The following ARHGAP32 variants were observed in gnomAD, a reference collection of about 807,000 sequenced individuals.
The protein encoded by ARHGAP32 is rho GTPase-activating protein 32.
A neutral mutation model predicts 186.5 loss-of-function variants in ARHGAP32; 51 were observed. The observed-to-expected ratio is 0.27, with a 90% CI of 0.22 to 0.35. The LOEUF (loss-of-function observed/expected upper bound fraction) is 0.35, where lower values mean the gene tolerates loss of function less well. Ranked by LOEUF, ARHGAP32 falls within the 10% of genes least tolerant of loss-of-function variation. The pLI is 1.00. For missense variants in ARHGAP32, 2,186 were observed against 2,623.5 expected (o/e 0.83, Z 3.64); for synonymous variants, 950 against 964.3 (o/e 0.99, Z 0.27).
At chr11:129,076,691 A>G (rs1941054118) in intron 6 of ARHGAP32, among the ~76,000 whole-genome samples, 3 of 152,212 alleles carry the variant, frequency 2.0e-5, no homozygotes, top group African/African-American at 4.8e-5. Flanking sequence ...GCTTAGAGAA[A>G]AATCCATAGC....
In ARHGAP32 at chr11:128,970,636, T is replaced by C. The variant is rs370296508; in HGVS notation, c.4577A>G (p.Asn1526Ser). The change falls in exon 23 of 23, where the codon AAT (asparagine) becomes AGT (serine). Residue 1526 changes from asparagine to serine, a missense_variant. Physicochemically the swap from Asn to Ser is conservative, Grantham distance 46. Transcript: ENST00000682385. The surrounding 1 kb of genome is among the most constrained non-coding windows in gnomAD (Gnocchi z 5.8). ...YRPQSVPPHHNKLEQHQVYGA... is the reference protein window; with the variant it reads ...YRPQSVPPHHSKLEQHQVYGA... ...ATACACTTGGTGCTGCTCCAATTTA[T>C]TGTGATGGGGAGGTACACTCTGGGG... The C allele has an allele frequency of 3.7e-6, 6 of 1,614,116 alleles. No homozygotes were observed. Among genetic ancestry groups the C allele is most frequent in the Non-Finnish European group, 5.1e-6 (6 of 1,180,006 alleles).
At chr11:129,255,541 T>TAA (rs1945243927) in intron 1 of ARHGAP32, among the ~76,000 whole-genome samples, 2 of 152,046 alleles carry the variant, frequency 1.3e-5, no homozygotes, top group South Asian at 4.1e-4. Flanking sequence ...TACACTGGAC[T>TAA]ATATTAAGAC....
At chr11:129,221,535 T>TGTGTGTGTGTGTG (rs1565472462) in intron 1 of ARHGAP32, among the ~76,000 whole-genome samples, 2 of 68,254 alleles carry the variant, frequency 2.9e-5, no homozygotes, top group Non-Finnish European at 3.2e-5. Context: ...GTGTGTGTGT[T>TGTGTGTGTGTGTG]TATGGTAAAA....
intron 20 of ARHGAP32, 35 bp from the exon 21 acceptor site, chr11:128,975,037 C>T (rs376434266): frequency 1.3e-6 from 2 of 1,556,400 alleles, no homozygotes; most frequent in African/African-American, 1.4e-5. Flanking sequence ...AAAGTAAGAA[C>T]ATCGTAGATA....
intron 5 of ARHGAP32, among the ~76,000 whole-genome samples, chr11:129,100,907 C>T (rs1233245534): frequency 6.6e-6 from 1 of 152,182 alleles, no homozygotes; most frequent in East Asian, 1.9e-4. Context: ...CCCTGGCACC[C>T]ACTAGCACTC....
At chr11:129,021,563 A>T (rs1938595339) in intron 11 of ARHGAP32, among the ~76,000 whole-genome samples, 1 of 152,024 alleles carries the variant, frequency 6.6e-6, no homozygotes, top group East Asian at 1.9e-4. Flanking sequence ...TTAAGATAAG[A>T]CTATTATTAT....
chr11:129,193,575 T>TTATATAATATATATTATATATA (rs1944320753), upstream of ARHGAP32, among the ~76,000 whole-genome samples: 2 of 54,026 alleles, frequency 3.7e-5, no homozygotes, highest in Non-Finnish European at 6.7e-5. Context: ...ATATAATATA[T>TTATATAATATATATTATATATA]ATATATTATA....
rs963827878 is a variant in ARHGAP32, at chr11:128,970,419, C to T, written c.4794G>A (p.Gln1598=). 1.9e-6 allele frequency: 3 copies of T among 1,614,126 alleles called. No individual in the cohort carries two copies. Among genetic ancestry groups the T allele is most frequent in the East Asian group, 2.2e-5 (1 of 44,872 alleles). The change falls in exon 23 of 23, where the codon CAG becomes CAA. Residue 1598 remains glutamine (Q), a synonymous_variant. Transcript: ENST00000682385. The surrounding 1 kb of genome is among the most constrained non-coding windows in gnomAD (Gnocchi z 5.8). ...IPPYPTIRRV[Q]SLHAPPSSMI... is the part of the protein sequence containing the mutation. The stretch of plus-strand genomic sequence containing the variant: ...TGGAAGACGGCGGAGCATGGAGAGA[C>T]TGCACTCTCCGGATGGTAGGGTACG...
intron 11 of ARHGAP32, among the ~76,000 whole-genome samples, chr11:129,040,603 C>A (rs1338544199): frequency 1.3e-5 from 2 of 152,152 alleles, no homozygotes; most frequent in African/African-American, 4.8e-5. Flanking sequence ...GTTAATCCTA[C>A]AATTTCTATG....
intron 2 of ARHGAP32, among the ~76,000 whole-genome samples, chr11:129,142,778 G>C (rs1943084462): frequency 6.6e-6 from 1 of 151,238 alleles, no homozygotes. Context: ...TGATCAAAGT[G>C]TTCTTTCTGT....
At chr11:129,189,431 C>T (rs1274886004) in intron 1 of ARHGAP32, among the ~76,000 whole-genome samples, 1 of 152,148 alleles carries the variant, frequency 6.6e-6, no homozygotes, top group Non-Finnish European at 1.5e-5. Flanking sequence ...TAGTACATTA[C>T]ATATAACAAT....
chr11:129,006,546 CT>C (rs562784819), intron 11 of ARHGAP32, among the ~76,000 whole-genome samples: 18 of 152,202 alleles, frequency 1.2e-4, no homozygotes, highest in Non-Finnish European at 2.2e-4. Context: ...CGGTCAGAGA[CT>C]TTTGTTTTCT....
chr11:129,069,533 T>G (rs1245116662), intron 6 of ARHGAP32, among the ~76,000 whole-genome samples: 1 of 152,034 alleles, frequency 6.6e-6, no homozygotes, highest in Non-Finnish European at 1.5e-5. Flanking sequence ...AACAATTACT[T>G]TTTAGTGCAT....
chr11:129,261,216 G>A (rs1293648255), intron 1 of ARHGAP32, among the ~76,000 whole-genome samples: 3 of 151,780 alleles, frequency 2.0e-5, no homozygotes, highest in Non-Finnish European at 2.9e-5. Context: ...AAAGTGGCTC[G>A]GATTAGGTTA....
At chr11:129,003,854 T>C (rs915622257) in intron 11 of ARHGAP32, among the ~76,000 whole-genome samples, 1 of 152,248 alleles carries the variant, frequency 6.6e-6, no homozygotes. Flanking sequence ...ATCTTTGTTG[T>C]TTTATTTTCA....
At chr11:129,009,036 C>T (rs369657779) in intron 11 of ARHGAP32, among the ~76,000 whole-genome samples, 102 of 152,100 alleles carry the variant, frequency 6.7e-4, no homozygotes, top group African/African-American at 2.2e-3. Flanking sequence ...TGACAAGATC[C>T]GCAGAAAACT....
chr11:129,034,526 G>A (rs1468218527), intron 11 of ARHGAP32, among the ~76,000 whole-genome samples: 2 of 151,678 alleles, frequency 1.3e-5, no homozygotes, highest in Non-Finnish European at 2.9e-5. Flanking sequence ...TCTTTCTGGT[G>A]GAAAAGGTGG....
chr11:129,256,508 T>C (rs1392227976), intron 1 of ARHGAP32, among the ~76,000 whole-genome samples: 2 of 152,008 alleles, frequency 1.3e-5, no homozygotes, highest in Non-Finnish European at 2.9e-5. Flanking sequence ...TGAGAGAGGA[T>C]GAAATGACAG....
intron 1 of ARHGAP32, among the ~76,000 whole-genome samples, chr11:129,227,994 CT>C (rs1944808870): frequency 1.3e-5 from 2 of 152,060 alleles, no homozygotes; most frequent in African/African-American, 4.8e-5. Flanking sequence ...TAAAACCAAT[CT>C]TGATACATTT....
Sources: gnomAD v4.1 joint callset for allele counts (sites outside exome capture counted in the v4.1 genomes callset) on GRCh38, gnomAD v4.1.1 for gene constraint, Gnocchi (gnomAD v3.1) non-coding constraint, MANE v1.5 for transcripts, NCBI Gene and HGNC (gene_info 2026-07-23, HGNC 2026-07-21) for gene names.